Variants in TEK observed in about 807,000 individuals in gnomAD.
TEK encodes the protein angiopoietin-1 receptor.
In TEK, 43 loss-of-function variants were observed where a neutral mutation model predicts 131.8. The ratio of observed to expected loss-of-function variants is 0.33; its 90% confidence interval spans 0.26 to 0.42. The LOEUF is 0.42. TEK is among the 10% of genes least tolerant of loss of function. The pLI, the probability that TEK is intolerant of heterozygous loss-of-function variation, is 1.00. For missense variants in TEK, 1,162 were observed against 1,384.4 expected, an observed-to-expected ratio of 0.84 and a Z score of 2.55; for synonymous variants, 580 against 491.6, an observed-to-expected ratio of 1.18 and a Z score of -2.38.
Position 27,229,458 on chromosome 9 carries a change from C to T in TEK, c.*226C>T. The T allele has an allele frequency of 1.8e-6, 1 of 570,176 alleles. No individual in the cohort carries two copies. The highest frequency in any genetic ancestry group is 2.2e-5 in the South Asian group (1 of 45,740). The allele number at this position is 570,176 out of a possible 1,614,324, so 35.3% of individuals were successfully genotyped here. A position where few individuals can be genotyped will look rare whatever the true frequency, so the allele number is the denominator to read the frequency against. ...TTAAGAATGGGCTGAAATCAGAATGCCTGTTTGTGGTTTCATATGCAATAA... is the reference window on the plus strand; with the variant it reads ...TTAAGAATGGGCTGAAATCAGAATGTCTGTTTGTGGTTTCATATGCAATAA... On this transcript the variant is annotated 3_prime_UTR_variant, in exon 23 of 23. Coordinates refer to ENST00000380036, the MANE Select transcript of TEK (RefSeq NM_000459.5).
At position 27,229,240 on chromosome 9, in the gene TEK, C is replaced by T. The variant is rs147570838; in HGVS notation, c.*8C>T. The T allele has an allele frequency of 6.6e-4, 1,057 of 1,613,438 alleles. 5 individuals carry two copies. The African/African-American group carries it at 0.012, about 19-fold the overall frequency. ...GCTGAAGAAGCGGCCTAGGACAGAA[C>T]ATCTGTATACCCTCTGTTTCCCTTT... On this transcript the variant is annotated 3_prime_UTR_variant, in exon 23 of 23. Coordinates refer to ENST00000380036, the MANE Select transcript of TEK (RefSeq NM_000459.5).
At chr9:27,173,447 A>C in intron 6 of TEK, 85 bp downstream of exon 6, 1 of 1,562,310 alleles carries the variant, frequency 6.4e-7, no homozygotes, top group Non-Finnish European at 8.8e-7. Flanking sequence ...ACAACATCGG[A>C]TATACCTGGA....
At chr9:27,115,665 C>T (rs770422326) in intron 1 of TEK, among the ~76,000 whole-genome samples, 2 of 152,020 alleles carry the variant, frequency 1.3e-5, no homozygotes, top group Non-Finnish European at 2.9e-5. Context: ...TGAATATTGC[C>T]AAAAGTCAGG....
intron 1 of TEK, among the ~76,000 whole-genome samples, chr9:27,154,502 G>A (rs1318125427): frequency 6.6e-6 from 1 of 152,180 alleles, no homozygotes; most frequent in East Asian, 1.9e-4. Context: ...ATAGGGAAAA[G>A]TCTTCCTTTT....
intron 7 of TEK, among the ~76,000 whole-genome samples, chr9:27,183,038 T>C (rs1208519666): frequency 6.6e-6 from 1 of 152,222 alleles, no homozygotes; most frequent in Non-Finnish European, 1.5e-5. Flanking sequence ...ATGGGGTTAT[T>C]TGATGAGTGG....
chr9:27,214,400 C>G (rs1334170431), intron 18 of TEK, among the ~76,000 whole-genome samples: 2 of 152,140 alleles, frequency 1.3e-5, no homozygotes, highest in Non-Finnish European at 2.9e-5. Flanking sequence ...TTTTTTAGGT[C>G]TGATGAACAT....
Position 27,202,899 on chromosome 9 carries a change from T to C in TEK, c.1989T>C (p.Asp663=). The C allele has an allele frequency of 6.2e-7, 1 of 1,614,196 alleles. No homozygotes were observed. Among genetic ancestry groups the C allele is most frequent in the Non-Finnish European group, 8.5e-7 (1 of 1,180,002 alleles). ...SSAVISWTIL[D]GYSISSITIR... ...CTGTGATTTCTTGGACAATATTGGA[T>C]GGCTATTCTATTTCTTCTATTACTA... Residue 663 remains aspartate (D), a synonymous_variant, in exon 13 of 23, where the codon GAT becomes GAC. Coordinates refer to ENST00000380036, the MANE Select transcript of TEK (RefSeq NM_000459.5).
intron 1 of TEK, among the ~76,000 whole-genome samples, chr9:27,154,802 G>T (rs904356246): frequency 1.3e-5 from 2 of 152,112 alleles, no homozygotes; most frequent in South Asian, 4.1e-4. Context: ...GCTGAACAAG[G>T]GTAGCGAAGT....
At chr9:27,116,024 C>T (rs766033048) in intron 1 of TEK, among the ~76,000 whole-genome samples, 2 of 152,104 alleles carry the variant, frequency 1.3e-5, no homozygotes, top group Non-Finnish European at 2.9e-5. Flanking sequence ...TGGTAGAGAC[C>T]ATAGGCTGGG....
chr9:27,199,488 C>G (rs554695648), intron 12 of TEK, among the ~76,000 whole-genome samples: 2 of 152,072 alleles, frequency 1.3e-5, no homozygotes, highest in Admixed American at 1.3e-4. Flanking sequence ...TTCCTTATAC[C>G]CATCTCTATG....
intron 15 of TEK, 43 bp from the exon 16 acceptor site, chr9:27,209,078 A>C: frequency 7.2e-7 from 1 of 1,386,418 alleles, no homozygotes; most frequent in East Asian, 2.3e-5. Flanking sequence ...GATTCTGAAA[A>C]GGTGTAACAA....
At chr9:27,128,574 G>A (rs1166952541) in intron 1 of TEK, among the ~76,000 whole-genome samples, 1 of 152,136 alleles carries the variant, frequency 6.6e-6, no homozygotes, top group Admixed American at 6.6e-5. Flanking sequence ...GGGCAGTATG[G>A]CCATTTTCAC....
intron 6 of TEK, among the ~76,000 whole-genome samples, chr9:27,177,774 G>A (rs72713737): frequency 0.083 from 12,613 of 152,026 alleles, 575 homozygotes; most frequent in South Asian, 0.15. Flanking sequence ...GAAAAAAAAA[G>A]ATGTCTATTC....
Position 27,229,155 on chromosome 9 carries a change from C to CT in TEK, c.3301-3_3301-2insT. 6.2e-7 allele frequency: 1 copy of CT among 1,613,656 alleles called. No individual in the cohort carries two copies. Among genetic ancestry groups the CT allele is most frequent in the Non-Finnish European group, 8.5e-7 (1 of 1,179,628 alleles). Reference sequence around the variant, plus strand: ...TGTCTCTGAACCATTTTCATTCTTCCAGACCTACGTGAATACCACGCTTTA... The same window carrying CT: ...TGTCTCTGAACCATTTTCATTCTTCCTAGACCTACGTGAATACCACGCTTTA... On this transcript the variant is annotated splice_polypyrimidine_tract_variant and splice_region_variant and intron_variant, in intron 22 of 22. Coordinates refer to ENST00000380036, the MANE Select transcript of TEK (RefSeq NM_000459.5).
In TEK at chr9:27,175,689, G is replaced by A. The variant is rs1824142311; in HGVS notation, c.901+2327G>A. Among the ~76,000 whole-genome samples, 5 of 152,120 alleles carry A rather than the reference G, an allele frequency of 3.3e-5. No homozygotes were observed. The South Asian group carries it at 1.0e-3, about 32-fold the overall frequency. ...TTTAATGATCGCCATTCTAACTGGT[G>A]TGAGATGGTATCTCATTGTGGTTTT... On this transcript the variant is annotated intron_variant, in intron 6 of 22. Transcript: ENST00000380036.
At chr9:27,169,327 G>C (rs1823861953) in intron 3 of TEK, 150 bp from the exon 4 acceptor site, 2 of 1,038,346 alleles carry the variant, frequency 1.9e-6, no homozygotes, top group Non-Finnish European at 3.0e-6. Flanking sequence ...GTACTGAATA[G>C]TTCAGCATTT....
At chr9:27,136,177 G>A (rs66779473) in intron 1 of TEK, among the ~76,000 whole-genome samples, 55,709 of 150,634 alleles carry the variant, frequency 0.37, 11,361 homozygotes, top group Non-Finnish European at 0.45. Context: ...CCCATCCCAG[G>A]TTCAGGCAAT....
At chr9:27,120,541 A>G (rs781343059) in intron 1 of TEK, among the ~76,000 whole-genome samples, 1 of 152,252 alleles carries the variant, frequency 6.6e-6, no homozygotes, top group Non-Finnish European at 1.5e-5. Flanking sequence ...AAACTCTACA[A>G]GGATGCATTG....
chr9:27,160,044 G>C (rs1330627470), intron 2 of TEK, among the ~76,000 whole-genome samples: 1 of 87,274 alleles, frequency 1.1e-5, no homozygotes, highest in Admixed American at 1.6e-4. Context: ...TTTTTTTAAA[G>C]ACAAGGGTCT....
Sources: allele counts gnomAD v4.1 joint callset (sites outside exome capture counted in the v4.1 genomes callset), GRCh38; gene constraint gnomAD v4.1.1; transcripts MANE v1.5; gene names NCBI Gene and HGNC (gene_info 2026-07-23, HGNC 2026-07-21).